Variants in ZKSCAN2 observed in about 807,000 individuals in gnomAD.
The protein encoded by ZKSCAN2 is zinc finger with KRAB and SCAN domains 2, also known as zinc finger protein with KRAB and SCAN domains 2.
A neutral mutation model predicts 90.5 loss-of-function variants in ZKSCAN2; 38 were observed. The ratio of observed to expected loss-of-function variants is 0.42; its 90% CI spans 0.32 to 0.55. The LOEUF is 0.55. ZKSCAN2 is among the 20% of genes least tolerant of loss of function. The probability of loss-of-function intolerance (pLI) is 0.11; values close to 1 mark genes in which losing one functional copy is unlikely to be tolerated. For synonymous variants in ZKSCAN2, 429 were observed against 421.6 expected, an observed-to-expected ratio of 1.02 and a Z score of -0.22; for missense variants, 1,167 against 1,202.6, an observed-to-expected ratio of 0.97 and a Z score of 0.44.
rs1343563362 is a variant in ZKSCAN2, at chr16:25,238,304, C to T, written c.*1512G>A. On this transcript the variant is annotated 3_prime_UTR_variant, in exon 7 of 7. Transcript: ENST00000328086. ...TCCCTTCCCATTAAACTTGTGACTT[C>T]TCCCTTGCCAAAGCAAAGCCACCCT... 6.6e-6 allele frequency: 1 copy of T among 152,280 alleles called. No individual in the cohort carries two copies. The highest frequency in any genetic ancestry group is 1.5e-5 in the Non-Finnish European group (1 of 68,040). The allele number at this position is 152,280 out of a possible 1,614,324, so 9.4% of individuals were successfully genotyped here.
intron 2 of ZKSCAN2, among the ~76,000 whole-genome samples, chr16:25,254,057 G>A (rs1201940104): frequency 6.6e-6 from 1 of 152,190 alleles, no homozygotes; most frequent in South Asian, 2.1e-4. Context: ...GAAAGCTTGA[G>A]AAGTTAAGTA....
In ZKSCAN2 at chr16:25,243,983, G is replaced by C; in HGVS notation, c.1783C>G (p.Pro595Ala). 2 of 1,614,100 alleles carry C rather than the reference G, an allele frequency of 1.2e-6. No homozygotes were observed. The highest frequency in any genetic ancestry group is 1.1e-5 in the South Asian group (1 of 91,078). The change falls in exon 6 of 7, where the codon CCA (proline) becomes GCA (alanine). Residue 595 changes from proline (P) to alanine (A), a missense_variant. Physicochemically the swap from Pro to Ala is conservative, Grantham distance 27. Transcript: ENST00000328086. ...SRASAPSPST[P>A]EEVPSPSRQE... is the part of the protein sequence containing the mutation. ...CTTGAAGGTGATGGGACTTCCTCTG[G>C]GGTGCTGGGGGAAGGAGCAGATGCC...
Position 25,247,296 on chromosome 16 carries a change from G to A in ZKSCAN2, c.900C>T (p.Ile300=). Residue 300 remains isoleucine (I), a synonymous_variant, in exon 5 of 7, where the codon ATC becomes ATT. Transcript: ENST00000328086. The stretch of plus-strand genomic sequence containing the variant: ...TTTCCTTGACGTAGTTGCTTCGTAG[G>A]ATACTTCTCTTGTTAGAGGAATGCA... The part of the protein sequence containing the change: ...LGLHSSNKRS[I]LRSNYVKEKS... 6 of 1,614,086 alleles carry A rather than the reference G, an allele frequency of 3.7e-6. No individual in the cohort carries two copies. Among genetic ancestry groups the A allele is most frequent in the Non-Finnish European group, 3.4e-6 (4 of 1,180,018 alleles).
At chr16:25,247,504 G>C in intron 4 of ZKSCAN2, 114 bp from the exon 5 acceptor site, 4 of 779,942 alleles carry the variant, frequency 5.1e-6, no homozygotes, top group Non-Finnish European at 8.1e-6. Flanking sequence ...ACCTTCCTCA[G>C]CTGTGACACT....
intron 6 of ZKSCAN2, among the ~76,000 whole-genome samples, chr16:25,243,096 T>G (rs1962878781): frequency 6.6e-6 from 1 of 152,252 alleles, no homozygotes; most frequent in Admixed American, 6.5e-5. Context: ...CTGCCTATCT[T>G]TTTTGTCTTG....
intron 4 of ZKSCAN2, among the ~76,000 whole-genome samples, chr16:25,249,504 G>C (rs1962987175): frequency 6.6e-6 from 1 of 152,010 alleles, no homozygotes; most frequent in Non-Finnish European, 1.5e-5. Context: ...GGCTTGTCTT[G>C]AACTCCTGAC....
In ZKSCAN2 at chr16:25,256,710, T is replaced by C. The variant is rs776168549; in HGVS notation, c.399+19A>G. The C allele has an allele frequency of 1.9e-6, 3 of 1,587,036 alleles. No individual in the cohort carries two copies. The highest frequency in any genetic ancestry group is 2.2e-5 in the East Asian group (1 of 44,632). ...TTCCCTTTTTTCTAAGTACAAAAAT[T>C]TGGAAAATCCTCTCTCACCTGCTGT... On this transcript the variant is annotated intron_variant, in intron 1 of 6. Transcript: ENST00000328086.
In ZKSCAN2 at chr16:25,240,809, G is replaced by C. The variant is rs978157932; in HGVS notation, c.1982-71C>G. 121 of 1,224,580 alleles carry C rather than the reference G, an allele frequency of 9.9e-5. 1 individual carries two copies. The Middle Eastern group carries it at 2.8e-3, about 28-fold the overall frequency. 75.9% of individuals were successfully genotyped at this position (1,224,580 alleles called of 1,614,324 possible). On this transcript the variant is annotated intron_variant, in intron 6 of 6. Transcript: ENST00000328086. ...AACCATAAACAACCTGGCTTGCAAG[G>C]CTTGATCCGCTTGCTCTCCATACAC...
In ZKSCAN2 at chr16:25,252,046, A is replaced by G; in HGVS notation, c.679-11T>C. On this transcript the variant is annotated splice_polypyrimidine_tract_variant and intron_variant, in intron 3 of 6. Transcript: ENST00000328086. ...ATCTTTCACTGGTTCCTGTAATGACACTAACACCAATGACTACCAAGATAA... is the reference window on the plus strand; with the variant it reads ...ATCTTTCACTGGTTCCTGTAATGACGCTAACACCAATGACTACCAAGATAA... The G allele has an allele frequency of 6.2e-7, 1 of 1,613,784 alleles. No homozygotes were observed. The highest frequency in any genetic ancestry group is 1.3e-5 in the African/African-American group (1 of 75,036).
intron 5 of ZKSCAN2, 33 bp from the exon 6 acceptor site, chr16:25,244,309 A>G (rs1236974645): frequency 1.3e-6 from 2 of 1,592,072 alleles, no homozygotes; most frequent in African/African-American, 2.7e-5. Context: ...ACAATGTAAC[A>G]AAGAAAAGGA....
chr16:25,244,396 T>C, intron 5 of ZKSCAN2, 120 bp from the exon 6 acceptor site: 1 of 1,004,604 alleles, frequency 1.0e-6, no homozygotes, highest in East Asian at 2.5e-5. Context: ...CAACAAGAAC[T>C]ACATATGCCT....
intron 4 of ZKSCAN2, among the ~76,000 whole-genome samples, chr16:25,249,810 C>G (rs1341220103): frequency 6.6e-6 from 1 of 152,102 alleles, no homozygotes; most frequent in African/African-American, 2.4e-5. Flanking sequence ...AAAATCAGAA[C>G]TACAATATGA....
rs1022421687 is a variant in ZKSCAN2, at chr16:25,247,120, C to T, written c.1076G>A (p.Arg359His). ...ACAGGCCTGAAGTGTTTCATAAAAG[C>T]GAGACTCTTTGAGAATTGCCAGGAA... is the stretch of plus-strand genomic sequence containing the variant. ...KTFLAILKES[R>H]FYETLQACPR... The change falls in exon 5 of 7, where the codon CGC (arginine) becomes CAC (histidine). Residue 359 changes from arginine (R) to histidine (H), a missense_variant. Transcript: ENST00000328086. 31 of 1,614,014 alleles carry T rather than the reference C, an allele frequency of 1.9e-5. No homozygotes were observed. Among genetic ancestry groups the T allele is most frequent in the Non-Finnish European group, 2.3e-5 (27 of 1,180,040 alleles).
intron 5 of ZKSCAN2, 124 bp downstream of exon 5, chr16:25,246,583 C>A: frequency 1.0e-6 from 1 of 978,154 alleles, no homozygotes; most frequent in Non-Finnish European, 1.6e-6. Context: ...TGTGGCCACA[C>A]CACAGTGAAA....
Position 25,256,797 on chromosome 16 carries a change from G to T in ZKSCAN2, c.331C>A (p.Gln111Lys). The T allele has an allele frequency of 6.2e-7, 1 of 1,614,032 alleles. No homozygotes were observed. Among genetic ancestry groups the T allele is most frequent in the Non-Finnish European group, 8.5e-7 (1 of 1,180,008 alleles). Residue 111 changes from glutamine (Q) to lysine (K), a missense_variant, in exon 1 of 7, where the codon CAA (glutamine) becomes AAA (lysine). Gln to Lys is a moderately conservative substitution (Grantham distance 53). Coordinates refer to ENST00000328086, the MANE Select transcript of ZKSCAN2 (RefSeq NM_001012981.5). ...IQAWAQKQCP[Q>K]SGEEAVALVV... ...AGGGCCACCGCTTCCTCTCCACTTT[G>T]CGGACACTGCTTCTGTGCCCAAGCC... is the stretch of plus-strand genomic sequence containing the variant.
At position 25,257,032 on chromosome 16, in the gene ZKSCAN2, C is replaced by A. The variant is rs781555739; in HGVS notation, c.96G>T (p.Glu32Asp). ...AGCTATCCGATCCTTCCAGAATGGGCTCTGATGCCCACTCAGGGTCCTTTT... is the reference window on the plus strand; with the variant it reads ...AGCTATCCGATCCTTCCAGAATGGGATCTGATGCCCACTCAGGGTCCTTTT... ...KVEKDPEWAS[E>D]PILEGSDSSE... Residue 32 changes from glutamate to aspartate, a missense_variant, in exon 1 of 7, where the codon GAG (glutamate) becomes GAT (aspartate). By Grantham distance (45) the Glu-to-Asp change is conservative. Coordinates refer to ENST00000328086, the MANE Select transcript of ZKSCAN2 (RefSeq NM_001012981.5). 1.2e-6 allele frequency: 2 copies of A among 1,614,162 alleles called. No individual in the cohort carries two copies. Among genetic ancestry groups the A allele is most frequent in the Admixed American group, 1.7e-5 (1 of 60,024 alleles).
chr16:25,252,470 T>C (rs1217793883), intron 3 of ZKSCAN2, among the ~76,000 whole-genome samples: 1 of 152,066 alleles, frequency 6.6e-6, no homozygotes, highest in Admixed American at 6.5e-5. Flanking sequence ...TTTTATACTC[T>C]TGTGGGGAGT....
rs774367583 is a variant in ZKSCAN2, at chr16:25,244,206, C to A, written c.1560G>T (p.Ala520=). 4.3e-6 allele frequency: 7 copies of A among 1,613,990 alleles called. No individual in the cohort carries two copies. The South Asian group carries it at 7.7e-5, about 18-fold the overall frequency. Residue 520 remains alanine, a synonymous_variant, in exon 6 of 7, where the codon GCG becomes GCT. Coordinates refer to ENST00000328086, the MANE Select transcript of ZKSCAN2 (RefSeq NM_001012981.5). ...DILRETRFYE[A]LQACHRKSKL... is the part of the protein sequence containing the mutation. ...TGCTCTTCCGATGACAGGCTTGAAG[C>A]GCTTCATAAAACCGAGTCTCACGGA...
At chr16:25,248,680 C>T (rs1962974383) in intron 4 of ZKSCAN2, among the ~76,000 whole-genome samples, 1 of 152,118 alleles carries the variant, frequency 6.6e-6, no homozygotes, top group Non-Finnish European at 1.5e-5. Flanking sequence ...AAAATGAAAC[C>T]TCTGAATACT....
Sources: allele counts gnomAD v4.1 joint callset (sites outside exome capture counted in the v4.1 genomes callset), GRCh38; gene constraint gnomAD v4.1.1; transcripts MANE v1.5; gene names NCBI Gene and HGNC (gene_info 2026-07-23, HGNC 2026-07-21).